PCDH1: variants seen among roughly 807,000 people sequenced by gnomAD.
PCDH1 encodes the protein protocadherin-1.
PCDH1 carries 23 observed loss-of-function variants against 74.6 expected under a neutral mutation model. The ratio of observed to expected loss-of-function variants is 0.31; its 90% CI spans 0.22 to 0.44. The LOEUF is 0.44. Among genes scored for constraint, PCDH1 ranks in the 20% least tolerant of loss-of-function variants. The pLI is 1.00. For synonymous variants in PCDH1, 647 were observed against 686.1 expected, an observed-to-expected ratio of 0.94 and a Z score of 0.89; for missense variants, 1,214 against 1,641.4, an observed-to-expected ratio of 0.74 and a Z score of 4.50.
chr5:141,874,398 C>G (rs1466735953), intron 1 of PCDH1, among the ~76,000 whole-genome samples: 1 of 152,218 alleles, frequency 6.6e-6, no homozygotes, highest in African/African-American at 2.4e-5. Context: ...TCCCCGGGCC[C>G]TGGCTGCCTT....
In PCDH1 at chr5:141,878,372, G is replaced by C; in HGVS notation, c.-110C>G. ...TGGCTCTGGGCGCAGCAGCCCGGCG[G>C]CTTTGCGTCCGCGCCGCGCTCCCGC... is the stretch of plus-strand genomic sequence containing the variant. On this transcript the variant is annotated 5_prime_UTR_variant, in exon 1 of 5. Transcript: ENST00000287008. This position sits in a 1 kb window ranked among gnomAD's most constrained non-coding sequence, Gnocchi z 5.5. 1 of 833,386 alleles carries C rather than the reference G, an allele frequency of 1.2e-6. No individual in the cohort carries two copies. The highest frequency in any genetic ancestry group is 4.6e-5 in the East Asian group (1 of 21,914). 51.6% of individuals were successfully genotyped at this position (833,386 alleles called of 1,614,324 possible).
Position 141,857,263 on chromosome 5 carries a change from T to G in PCDH1, c.3308A>C (p.His1103Pro). The change falls in exon 4 of 5, where the codon CAC (histidine) becomes CCC (proline). Residue 1103 changes from histidine to proline, a missense_variant. His to Pro is a moderately conservative substitution (Grantham distance 77). Coordinates refer to ENST00000287008, the MANE Select transcript of PCDH1 (RefSeq NM_032420.5). ...TPDGSIGEMEHPENDLRPLPD... is the reference protein window; with the variant it reads ...TPDGSIGEMEPPENDLRPLPD... ...GTGCTGCGCCTCACCATTCTCGGGG[T>G]GCTCCATCTCTCCTATGCTGCCATC... 2.5e-6 allele frequency: 4 copies of G among 1,576,548 alleles called. No individual in the cohort carries two copies. The highest frequency in any genetic ancestry group is 2.3e-5 in the South Asian group (2 of 87,112).
In PCDH1 at chr5:141,865,443, GAA is replaced by G. The variant is rs767912162; in HGVS notation, c.904-18_904-17del. 25 of 1,602,904 alleles carry G rather than the reference GAA, an allele frequency of 1.6e-5. No homozygotes were observed. Among genetic ancestry groups the G allele is most frequent in the Non-Finnish European group, 2.0e-5 (24 of 1,175,392 alleles). On this transcript the variant is annotated splice_polypyrimidine_tract_variant and intron_variant, in intron 2 of 4. Coordinates refer to ENST00000287008, the MANE Select transcript of PCDH1 (RefSeq NM_032420.5). This position sits in a 1 kb window ranked among gnomAD's most constrained non-coding sequence, Gnocchi z 4.4. ...TGGCCTTCACCTATAGGGCAGGAGA[GAA>G]AAACAAGGAGAACAGAGATGGTTTA...
chr5:141,865,219 G>T lies in PCDH1; in HGVS notation c.1112C>A (p.Ala371Asp). 6.2e-7 allele frequency: 1 copy of T among 1,614,186 alleles called. No homozygotes were observed. Among genetic ancestry groups the T allele is most frequent in the African/African-American group, 1.3e-5 (1 of 75,032 alleles). ...GTCCTTCACGGTCACAACCACCTGG[G>T]CACGGGCACTCTTGGGGTTGGTGCC... is the stretch of plus-strand genomic sequence containing the variant. Reference protein sequence around the residue: ...DRGTNPKSARAQVVVTVKDMN... With the variant: ...DRGTNPKSARDQVVVTVKDMN... The change falls in exon 3 of 5, where the codon GCC (alanine) becomes GAC (aspartate). Residue 371 changes from alanine (A) to aspartate (D), a missense_variant. By Grantham distance (126) the Ala-to-Asp change is moderately radical. Transcript: ENST00000287008. This position sits in a 1 kb window ranked among gnomAD's most constrained non-coding sequence, Gnocchi z 4.4.
Position 141,854,234 on chromosome 5 carries a change from G to T in PCDH1, c.3522C>A (p.Pro1174=). ...CCGTTTTGGTGTTCCGGTCTTCCGGGGGGCTGGGGCTGCCGGCGCCCGCAG... is the reference window on the plus strand; with the variant it reads ...CCGTTTTGGTGTTCCGGTCTTCCGGTGGGCTGGGGCTGCCGGCGCCCGCAG... ...QEPAGAGSPS[P]PEDRNTKTAP... is the part of the protein sequence containing the mutation. The change falls in exon 5 of 5, where the codon CCC becomes CCA. Residue 1174 remains proline (P), a synonymous_variant. Transcript: ENST00000287008. The T allele has an allele frequency of 6.2e-7, 1 of 1,611,708 alleles. No individual in the cohort carries two copies. The highest frequency in any genetic ancestry group is 8.5e-7 in the Non-Finnish European group (1 of 1,178,784).
At position 141,853,997 on chromosome 5, in the gene PCDH1, C is replaced by T. The variant is rs747510364; in HGVS notation, c.*45G>A. The T allele has an allele frequency of 6.9e-7, 1 of 1,453,104 alleles. No homozygotes were observed. The highest frequency in any genetic ancestry group is 2.6e-4 in the Middle Eastern group (1 of 3,876). 90.0% of individuals were successfully genotyped at this position (1,453,104 alleles called of 1,614,324 possible). ...GGCCCTGGAATGGGCCATTTGGGAGCTGGCCGGCGGCTGGGGGAGGGGGGC... is the reference window on the plus strand; with the variant it reads ...GGCCCTGGAATGGGCCATTTGGGAGTTGGCCGGCGGCTGGGGGAGGGGGGC... On this transcript the variant is annotated 3_prime_UTR_variant, in exon 5 of 5. Coordinates refer to ENST00000287008, the MANE Select transcript of PCDH1 (RefSeq NM_032420.5).
rs772706127 is a variant in PCDH1 at position 141,864,919 on chromosome 5, T to C, written c.1412A>G (p.Asp471Gly). ...TTPLDYEKVK[D>G]YTIEIVAVDS... Reference sequence around the variant, plus strand: ...CACAGCCACAATCTCAATGGTGTAGTCTTTGACCTTCTCGTAGTCTAGCGG... The same window carrying C: ...CACAGCCACAATCTCAATGGTGTAGCCTTTGACCTTCTCGTAGTCTAGCGG... The change falls in exon 3 of 5, where the codon GAC (aspartate) becomes GGC (glycine). Residue 471 changes from aspartate (D) to glycine (G), a missense_variant. By Grantham distance (94) the Asp-to-Gly change is moderately conservative (BLOSUM62 -1). Transcript: ENST00000287008. This position sits in a 1 kb window ranked among gnomAD's most constrained non-coding sequence, Gnocchi z 5.9. 3.1e-6 allele frequency: 5 copies of C among 1,613,968 alleles called. No individual in the cohort carries two copies. The Admixed American group carries it at 8.3e-5, about 27-fold the overall frequency.
In PCDH1 at chr5:141,869,153, C is replaced by T. The variant is rs1164720248; in HGVS notation, c.319G>A (p.Asp107Asn). 4 of 1,613,748 alleles carry T rather than the reference C, an allele frequency of 2.5e-6. No individual in the cohort carries two copies. The Admixed American group carries it at 6.7e-5, about 27-fold the overall frequency. The change falls in exon 2 of 5, where the codon GAC becomes AAC. Residue 107 changes from aspartate to asparagine, a missense_variant. This residue lies in a region of PCDH1 where 97 missense variants were observed against 173.2 expected (regional missense o/e 0.56). Coordinates refer to ENST00000287008, the MANE Select transcript of PCDH1 (RefSeq NM_032420.5). This position sits in a 1 kb window ranked among gnomAD's most constrained non-coding sequence, Gnocchi z 4.9. ...ATGGAGGTCTCGGTGGTGAAAATGT[C>T]ACCTGTCTTGCCATCCACGCGAAGG... ...PYLRVDGKTGDIFTTETSIDR... is the reference protein window; with the variant it reads ...PYLRVDGKTGNIFTTETSIDR...
intron 4 of PCDH1, among the ~76,000 whole-genome samples, chr5:141,856,630 C>G (rs1752350620): frequency 6.6e-6 from 1 of 152,120 alleles, no homozygotes. Flanking sequence ...TCTGCGCTGG[C>G]TCACACCTCC....
intron 2 of PCDH1, among the ~76,000 whole-genome samples, chr5:141,866,846 C>T (rs373553216): frequency 4.6e-5 from 7 of 152,194 alleles, no homozygotes; most frequent in Admixed American, 2.6e-4. Context: ...CCCTCCTACC[C>T]GCCTGCCTCT....
In PCDH1 at chr5:141,863,304, G is replaced by T; in HGVS notation, c.3027C>A (p.Thr1009=). Residue 1009 remains threonine (T), a synonymous_variant, in exon 3 of 5, where the codon ACC becomes ACA. Transcript: ENST00000287008. This position sits in a 1 kb window ranked among gnomAD's most constrained non-coding sequence, Gnocchi z 7.5. ...PANTFVGTGD[T]TSTGSEQYSD... ...AGTACTGCTCAGAGCCCGTGGACGT[G>T]GTGTCCCCGGTGCCCACGAATGTGT... 2 of 1,564,782 alleles carry T rather than the reference G, an allele frequency of 1.3e-6. No homozygotes were observed. The highest frequency in any genetic ancestry group is 8.7e-7 in the Non-Finnish European group (1 of 1,154,442).
Position 141,869,493 on chromosome 5 carries a change from G to T in PCDH1, c.41-62C>A, listed in dbSNP as rs1459914013. On this transcript the variant is annotated intron_variant, in intron 1 of 4. Transcript: ENST00000287008. This position sits in a 1 kb window ranked among gnomAD's most constrained non-coding sequence, Gnocchi z 4.9. ...GGGAAGAAAAGCCTGGCCCTGAGCT[G>T]CCCAGAGCTGGCCCCATACTCACCC... is the stretch of plus-strand genomic sequence containing the variant. The T allele has an allele frequency of 1.9e-6, 3 of 1,569,318 alleles. No homozygotes were observed. The highest frequency in any genetic ancestry group is 2.6e-6 in the Non-Finnish European group (3 of 1,165,986).
intron 1 of PCDH1, among the ~76,000 whole-genome samples, chr5:141,877,663 C>T (rs2126836026): frequency 6.6e-6 from 1 of 152,284 alleles, no homozygotes; most frequent in African/African-American, 2.4e-5. Context: ...GGCGACGGTG[C>T]CCCAGTGGGC....
Position 141,857,168 on chromosome 5 carries a change from A to C in PCDH1, c.3319+84T>G, listed in dbSNP as rs1488675790. ...GACTGAGCACATAATAACTCAATAC[A>C]TAGATGATTTGTTTAAGGCCTTGTC... is the stretch of plus-strand genomic sequence containing the variant. On this transcript the variant is annotated intron_variant, in intron 4 of 4. Coordinates refer to ENST00000287008, the MANE Select transcript of PCDH1 (RefSeq NM_032420.5). 5 of 1,124,948 alleles carry C rather than the reference A, an allele frequency of 4.4e-6. No individual in the cohort carries two copies. The African/African-American group carries it at 6.2e-5, about 14-fold the overall frequency. The allele number at this position is 1,124,948 out of a possible 1,614,324, so 69.7% of individuals were successfully genotyped here. A position where few individuals can be genotyped will look rare whatever the true frequency, so the allele number is the denominator to read the frequency against.
intron 1 of PCDH1, among the ~76,000 whole-genome samples, chr5:141,871,934 ATAG>A (rs1300310271): frequency 6.6e-6 from 1 of 152,236 alleles, no homozygotes; most frequent in East Asian, 1.9e-4. Context: ...TTTAGGGCAC[ATAG>A]TAGACTCTCA....
chr5:141,878,212 CG>C lies in PCDH1; in HGVS notation c.40+10del. 1 of 1,426,422 alleles carries C rather than the reference CG, an allele frequency of 7.0e-7. No individual in the cohort carries two copies. The highest frequency in any genetic ancestry group is 9.2e-7 in the Non-Finnish European group (1 of 1,091,962). 88.4% of individuals were successfully genotyped at this position (1,426,422 alleles called of 1,614,324 possible). A position where few individuals can be genotyped will look rare whatever the true frequency, so the allele number is the denominator to read the frequency against. On this transcript the variant is annotated intron_variant, in intron 1 of 4. Transcript: ENST00000287008. The surrounding 1 kb of genome is among the most constrained non-coding windows in gnomAD (Gnocchi z 5.5). ...AAGCCGCTGCTGCCTCCACCGCCGC[CG>C]GATCCTTACCCGCCTCCGGGCAGCG...
chr5:141,861,234 C>CTCATCGTT (rs950233355), intron 3 of PCDH1, among the ~76,000 whole-genome samples: 2 of 151,956 alleles, frequency 1.3e-5, no homozygotes, highest in Non-Finnish European at 2.9e-5. Flanking sequence ...ACTCAATTGC[C>CTCATCGTT]TCATCGTTCA....
chr5:141,867,407 C>G, intron 2 of PCDH1: 1 of 343,906 alleles, frequency 2.9e-6, no homozygotes, highest in Non-Finnish European at 5.6e-6. Context: ...TGTAGGATAT[C>G]AGGCGAGTTT....
Position 141,863,344 on chromosome 5 carries a change from T to C in PCDH1, c.2987A>G (p.Asp996Gly). Residue 996 changes from aspartate (D) to glycine (G), a missense_variant, in exon 3 of 5, where the codon GAC (aspartate) becomes GGC (glycine). Physicochemically the swap from Asp to Gly is moderately conservative, Grantham distance 94 (BLOSUM62 -1). Around this residue, in one of 4 missense-constraint regions of PCDH1, gnomAD observed 836 missense variants for 1,182.2 expected, o/e 0.71. Transcript: ENST00000287008. This position sits in a 1 kb window ranked among gnomAD's most constrained non-coding sequence, Gnocchi z 7.5. ...CACGAATGTGTTTGCAGGTGGCAGG[T>C]CCTGTACCACCTGGTGCTTCTTGGA... ...SASKKHQVVQ[D>G]LPPANTFVGT... The C allele has an allele frequency of 6.5e-7, 1 of 1,550,352 alleles. No homozygotes were observed. Among genetic ancestry groups the C allele is most frequent in the Non-Finnish European group, 8.7e-7 (1 of 1,147,614 alleles).
Sources: allele counts gnomAD v4.1 joint callset (sites outside exome capture counted in the v4.1 genomes callset), GRCh38; gene constraint gnomAD v4.1.1; regional missense constraint gnomAD v4.1.1; non-coding constraint Gnocchi (gnomAD v3.1); transcripts MANE v1.5; gene names NCBI Gene and HGNC (gene_info 2026-07-23, HGNC 2026-07-21).